The following NR6A1 variants were observed in gnomAD, a reference collection of about 807,000 sequenced individuals.
NR6A1 encodes retinoic acid receptor-related testis-associated receptor.
A neutral mutation model predicts 59.1 loss-of-function variants in NR6A1; 7 were observed. The ratio of observed to expected loss-of-function variants is 0.12; its 90% CI spans 0.07 to 0.22. NR6A1 has a LOEUF of 0.22. Ranked by LOEUF, NR6A1 falls within the 10% of genes least tolerant of loss-of-function variation. NR6A1 has a pLI of 1.00. For missense variants in NR6A1, 468 were observed against 611.6 expected (o/e 0.77, Z 2.48); for synonymous variants, 243 against 236.1 (o/e 1.03, Z -0.27).
At position 124,535,992 on chromosome 9, in the gene NR6A1, G is replaced by C. The variant is rs1191884046; in HGVS notation, c.965C>G (p.Ser322Cys). 1.2e-6 allele frequency: 2 copies of C among 1,614,218 alleles called. No individual in the cohort carries two copies. Among genetic ancestry groups the C allele is most frequent in the Admixed American group, 1.7e-5 (1 of 60,022 alleles). ...CAGCAGGATTAGCTCCTGCCACGTA[G>C]AGCTCAAGAGGCACGTGTAATCCTT... The part of the protein sequence containing the change: ...SIKDYTCLLS[S>C]TWQELILLSS... Residue 322 changes from serine to cysteine, a missense_variant, in exon 7 of 10, where the codon TCT (serine) becomes TGT (cysteine). Ser to Cys is a moderately radical substitution (Grantham distance 112). This residue lies in a region of NR6A1 where 176 missense variants were observed against 264.0 expected (regional missense o/e 0.67). Coordinates refer to ENST00000487099, the MANE Select transcript of NR6A1 (RefSeq NM_033334.4).
At chr9:124,533,333 T>C (rs1421961095) in intron 7 of NR6A1, among the ~76,000 whole-genome samples, 1 of 152,178 alleles carries the variant, frequency 6.6e-6, no homozygotes, top group Non-Finnish European at 1.5e-5. Flanking sequence ...AGGGGTTAGG[T>C]CAACTGCAAA....
At chr9:124,582,604 G>A (rs1003363822) in intron 2 of NR6A1, among the ~76,000 whole-genome samples, 3 of 152,066 alleles carry the variant, frequency 2.0e-5, no homozygotes, top group African/African-American at 7.2e-5. Flanking sequence ...AAATGGTTCT[G>A]GGCCAGGTGG....
rs565174648 is a variant in NR6A1 at position 124,700,863 on chromosome 9, C to A, written c.142+32445G>T. Among the ~76,000 whole-genome samples the A allele has an allele frequency of 5.0e-3, 744 of 150,040 alleles. 3 individuals are homozygous for A. The highest frequency in any genetic ancestry group is 0.017 in the African/African-American group (700 of 40,632). On this transcript the variant is annotated intron_variant, in intron 2 of 9. Transcript: ENST00000487099. ...GCAACCTCTACCTCCCAGGCTCAAG[C>A]GATTCTCCTGTGTCAGCCTCCTGAG...
At chr9:124,707,803 C>CT (rs1839177460) in intron 2 of NR6A1, among the ~76,000 whole-genome samples, 2 of 152,162 alleles carry the variant, frequency 1.3e-5, no homozygotes, top group Admixed American at 1.3e-4. Flanking sequence ...AGATACCCCT[C>CT]TAACTGTATA....
In NR6A1 at chr9:124,683,237, GA is replaced by G. The variant is rs1186078140; in HGVS notation, c.142+50070del. Among the ~76,000 whole-genome samples the G allele has an allele frequency of 7.5e-4, 88 of 117,810 alleles. 1 individual carries two copies. The South Asian group carries it at 0.023, about 30-fold the overall frequency. 77.3% of individuals were successfully genotyped at this position (117,810 alleles called of 152,430 possible). On this transcript the variant is annotated intron_variant, in intron 2 of 9. Coordinates refer to ENST00000487099, the MANE Select transcript of NR6A1 (RefSeq NM_033334.4). Reference sequence around the variant, plus strand: ...AAAGAAAGGAAGGGAAAGGGAAAGGGAAAAGGAAAAGGAAAAGGAAAAGGAA... The same window carrying G: ...AAAGAAAGGAAGGGAAAGGGAAAGGGAAAGGAAAAGGAAAAGGAAAAGGAA...
intron 1 of NR6A1, among the ~76,000 whole-genome samples, chr9:124,769,867 C>T (rs935597464): frequency 6.6e-6 from 1 of 152,234 alleles, no homozygotes; most frequent in Admixed American, 6.5e-5. Context: ...TTTCCAAGTT[C>T]AAAAGTTCAC....
intron 2 of NR6A1, among the ~76,000 whole-genome samples, chr9:124,581,062 A>G (rs911051640): frequency 2.0e-5 from 3 of 152,182 alleles, no homozygotes; most frequent in African/African-American, 7.2e-5. Context: ...AGCCATATGC[A>G]GAAAATTGAA....
intron 2 of NR6A1, among the ~76,000 whole-genome samples, chr9:124,724,975 A>T (rs1305780418): frequency 6.6e-6 from 1 of 152,204 alleles, no homozygotes; most frequent in Non-Finnish European, 1.5e-5. Context: ...TTTATAGCCT[A>T]ACTGGCCCCC....
intron 2 of NR6A1, among the ~76,000 whole-genome samples, chr9:124,592,200 C>G (rs1180144832): frequency 6.6e-6 from 1 of 152,158 alleles, no homozygotes; most frequent in Non-Finnish European, 1.5e-5. Flanking sequence ...GCCAAAATCC[C>G]AACCTCATCT....
chr9:124,552,489 A>G (rs7859623), intron 3 of NR6A1, among the ~76,000 whole-genome samples: 6,694 of 152,282 alleles, frequency 0.044, 419 homozygotes, highest in African/African-American at 0.14. Context: ...ATGTCCTACT[A>G]TGGCATTCAT....
chr9:124,644,668 C>A (rs957588724), intron 2 of NR6A1, among the ~76,000 whole-genome samples: 5 of 152,160 alleles, frequency 3.3e-5, no homozygotes, highest in Non-Finnish European at 7.4e-5. Flanking sequence ...AACGGAGAAG[C>A]CAGATCTACC....
chr9:124,758,194 T>C (rs1464451022), intron 1 of NR6A1, among the ~76,000 whole-genome samples: 1 of 152,210 alleles, frequency 6.6e-6, no homozygotes, highest in Non-Finnish European at 1.5e-5. Flanking sequence ...AAAAGGCTGA[T>C]TGGTTTCCTG....
At chr9:124,716,244 T>C (rs1839414355) in intron 2 of NR6A1, among the ~76,000 whole-genome samples, 1 of 152,146 alleles carries the variant, frequency 6.6e-6, no homozygotes, top group African/African-American at 2.4e-5. Context: ...TTTCAACAAA[T>C]GGTGCCAAAC....
At chr9:124,601,315 T>C (rs967321579) in intron 2 of NR6A1, among the ~76,000 whole-genome samples, 1 of 151,562 alleles carries the variant, frequency 6.6e-6, no homozygotes, top group African/African-American at 2.4e-5. Context: ...CCAGGTGTGG[T>C]GGCTCACACC....
Position 124,675,433 on chromosome 9 carries a change from C to T in NR6A1, c.142+57875G>A, listed in dbSNP as rs1481744378. ...TCAATAAGTGTTGACTGAATACAGT[C>T]AGAGAGCACCTCCTCCTTGTACAAG... is the stretch of plus-strand genomic sequence containing the variant. On this transcript the variant is annotated intron_variant, in intron 2 of 9. Transcript: ENST00000487099. Among the ~76,000 whole-genome samples the T allele has an allele frequency of 5.3e-5, 8 of 152,194 alleles. 1 individual carries two copies. Among genetic ancestry groups the T allele is most frequent in the African/African-American group, 1.9e-4 (8 of 41,446 alleles).
intron 2 of NR6A1, among the ~76,000 whole-genome samples, chr9:124,634,896 T>G (rs1836556611): frequency 6.6e-6 from 1 of 152,054 alleles, no homozygotes; most frequent in South Asian, 2.1e-4. Context: ...GGTTTAGAGA[T>G]TTCCCATATT....
At chr9:124,586,490 C>T (rs998611829) in intron 2 of NR6A1, among the ~76,000 whole-genome samples, 16 of 151,702 alleles carry the variant, frequency 1.1e-4, no homozygotes, top group African/African-American at 3.9e-4. Context: ...GTCACCCAGG[C>T]TGGACTGCAG....
At position 124,526,841 on chromosome 9, in the gene NR6A1, T is replaced by C. The variant is rs1832951594; in HGVS notation, c.1139A>G (p.His380Arg). The change falls in exon 8 of 10, where the codon CAT becomes CGT. Residue 380 changes from histidine to arginine, a missense_variant. His to Arg is a conservative substitution (Grantham distance 29). Transcript: ENST00000487099. Reference sequence around the variant, plus strand: ...CTCCTCGTTGCTGACCTTTAGCTGATGGAACTTGTGATAGAGGTAGATGAG... The same window carrying C: ...CTCCTCGTTGCTGACCTTTAGCTGACGGAACTTGTGATAGAGGTAGATGAG... ...ERLIYLYHKF[H>R]QLKVSNEEYA... 2 of 1,614,032 alleles carry C rather than the reference T, an allele frequency of 1.2e-6. No homozygotes were observed. The highest frequency in any genetic ancestry group is 2.2e-5 in the East Asian group (1 of 44,894).
chr9:124,605,540 T>C (rs963253124), intron 2 of NR6A1, among the ~76,000 whole-genome samples: 7 of 151,648 alleles, frequency 4.6e-5, no homozygotes, highest in African/African-American at 1.5e-4. Flanking sequence ...AACCCTCGCA[T>C]CACTGCACTC....
Sources: gnomAD v4.1 joint callset for allele counts (sites outside exome capture counted in the v4.1 genomes callset) on GRCh38, gnomAD v4.1.1 for gene constraint, gnomAD v4.1.1 regional missense constraint, MANE v1.5 for transcripts, NCBI Gene and HGNC (gene_info 2026-07-23, HGNC 2026-07-21) for gene names.